The following PPP1R16A variants were observed in gnomAD, a reference collection of about 807,000 sequenced individuals.
PPP1R16A encodes the protein myosin phosphatase-targeting subunit 3.
PPP1R16A carries 39 observed loss-of-function variants against 46.6 expected under a neutral mutation model. That is an observed-to-expected ratio of 0.84 (90% CI 0.65 to 1.09). The LOEUF (loss-of-function observed/expected upper bound fraction) is 1.09, where lower values mean the gene tolerates loss of function less well. Among genes scored for constraint, PPP1R16A ranks in the 50% least tolerant of loss-of-function variants. The pLI is 0.00. For synonymous variants in PPP1R16A, 413 were observed against 321.5 expected, an observed-to-expected ratio of 1.28 and a Z score of -3.04; for missense variants, 798 against 735.6, an observed-to-expected ratio of 1.08 and a Z score of -0.98.
chr8:144,501,487 T>G (rs1295539090), intron 11 of PPP1R16A, 33 bp from the exon 12 acceptor site: 1 of 1,501,056 alleles, frequency 6.7e-7, no homozygotes, highest in Admixed American at 2.2e-5. Flanking sequence ...GGGAGGAGCC[T>G]CCTGATGGCT....
Position 144,497,141 on chromosome 8 carries a change from C to T in PPP1R16A, c.-54C>T. On this transcript the variant is annotated 5_prime_UTR_variant, in exon 3 of 12. Transcript: ENST00000435887. ...CCACCCCTCAGGCCCAGCCTGGCCC[C>T]CAAGCTCCCCACTCTGGTGCCCCGA... 1 of 1,537,286 alleles carries T rather than the reference C, an allele frequency of 6.5e-7. No homozygotes were observed. The highest frequency in any genetic ancestry group is 8.7e-7 in the Non-Finnish European group (1 of 1,145,948).
At position 144,496,819 on chromosome 8, in the gene PPP1R16A, C is replaced by T. The variant is rs1826088392; in HGVS notation, c.-376C>T. ...TCAGCAGGGTGCCCGGAAGCTGGAA[C>T]CTTGTTATCTGGGTAATTAGTTTCA... On this transcript the variant is annotated 5_prime_UTR_variant, in exon 3 of 12. Coordinates refer to ENST00000435887, the MANE Select transcript of PPP1R16A (RefSeq NM_001329443.2). 6.9e-6 allele frequency: 2 copies of T among 289,704 alleles called. No homozygotes were observed. The highest frequency in any genetic ancestry group is 2.1e-5 in the African/African-American group (1 of 46,640). 17.9% of individuals were successfully genotyped at this position (289,704 alleles called of 1,614,324 possible). A position where few individuals can be genotyped will look rare whatever the true frequency, so the allele number is the denominator to read the frequency against.
Position 144,501,865 on chromosome 8 carries a change from G to A in PPP1R16A, c.1549G>A (p.Ala517Thr). The A allele has an allele frequency of 5.8e-6, 9 of 1,543,458 alleles. No individual in the cohort carries two copies. Among genetic ancestry groups the A allele is most frequent in the Non-Finnish European group, 7.9e-6 (9 of 1,145,514 alleles). The stretch of plus-strand genomic sequence containing the variant: ...CAAGCTCACAGCCCCGGCGGTGGAG[G>A]CTCCCGTGGAGAGGAGGCCGTGCTG... ...LLKLTAPAVE[A>T]PVERRPCCLL... Residue 517 changes from alanine (A) to threonine (T), a missense_variant, in exon 12 of 12, where the codon GCT (alanine) becomes ACT (threonine). Ala to Thr is a moderately conservative substitution (Grantham distance 58). Transcript: ENST00000435887.
rs760707897 is a variant in PPP1R16A at position 144,501,574 on chromosome 8, G to A, written c.1258G>A (p.Val420Met). ...PHNGRVGGSP[V>M]RHLYSKRLDR... The stretch of plus-strand genomic sequence containing the variant: ...CAATGGCCGAGTAGGGGGCTCCCCA[G>A]TGCGGCATCTATACTCCAAGCGACT... The change falls in exon 12 of 12, where the codon GTG becomes ATG. Residue 420 changes from valine (V) to methionine (M), a missense_variant. Coordinates refer to ENST00000435887, the MANE Select transcript of PPP1R16A (RefSeq NM_001329443.2). 1 of 1,597,438 alleles carries A rather than the reference G, an allele frequency of 6.3e-7. No homozygotes were observed. Among genetic ancestry groups the A allele is most frequent in the African/African-American group, 1.3e-5 (1 of 74,366 alleles).
In PPP1R16A at chr8:144,500,055, G is replaced by A. The variant is rs753994788; in HGVS notation, c.477-41G>A. 6 of 1,567,896 alleles carry A rather than the reference G, an allele frequency of 3.8e-6. No homozygotes were observed. In the Admixed American group the frequency reaches 9.2e-5, roughly 24 times the overall value. On this transcript the variant is annotated intron_variant, in intron 5 of 11. Transcript: ENST00000435887. Reference sequence around the variant, plus strand: ...CCAAGTGAGGAGCCTGGCAAGCGGGGAAGGGCCTTGTGCCCAGCACCCCGT... The same window carrying A: ...CCAAGTGAGGAGCCTGGCAAGCGGGAAAGGGCCTTGTGCCCAGCACCCCGT...
rs1188306647 is a variant in PPP1R16A at position 144,501,152 on chromosome 8, T to C, written c.1061T>C (p.Leu354Pro). 2 of 1,610,830 alleles carry C rather than the reference T, an allele frequency of 1.2e-6. No individual in the cohort carries two copies. Among genetic ancestry groups the C allele is most frequent in the Admixed American group, 1.7e-5 (1 of 60,000 alleles). Residue 354 changes from leucine to proline, a missense_variant, in exon 11 of 12, where the codon CTA (leucine) becomes CCA (proline). Physicochemically the swap from Leu to Pro is moderately conservative, Grantham distance 98 (BLOSUM62 -3). Transcript: ENST00000435887. ...AGGAAGGTGGTGAGGCGGGTGAGCCTAACCCAGCGCACCGACCTGTACCGC... is the reference window on the plus strand; with the variant it reads ...AGGAAGGTGGTGAGGCGGGTGAGCCCAACCCAGCGCACCGACCTGTACCGC... ...SRGKVVRRVSLTQRTDLYRKQ... is the reference protein window; with the variant it reads ...SRGKVVRRVSPTQRTDLYRKQ...
intron 1 of PPP1R16A, among the ~76,000 whole-genome samples, chr8:144,481,150 A>G (rs1409981819): frequency 1.3e-5 from 2 of 148,954 alleles, no homozygotes; most frequent in South Asian, 2.2e-4. Context: ...TCGGCCTCCC[A>G]AAGTGCTGGG....
intron 2 of PPP1R16A, among the ~76,000 whole-genome samples, chr8:144,494,365 G>C (rs1825952041): frequency 1.3e-5 from 2 of 152,046 alleles, no homozygotes; most frequent in Admixed American, 6.6e-5. Context: ...CCAGGCTGGA[G>C]TGCAGGGTGT....
In PPP1R16A at chr8:144,484,765, G is replaced by A. The variant is rs889675358; in HGVS notation, c.-913-5269G>A. Among the ~76,000 whole-genome samples, 11 of 152,228 alleles carry A rather than the reference G, an allele frequency of 7.2e-5. No homozygotes were observed. In the East Asian group the frequency reaches 1.3e-3, roughly 19 times the overall value. On this transcript the variant is annotated intron_variant, in intron 1 of 11. Transcript: ENST00000435887. ...CGGGCCAGTCCCTGGTGTGGTCCAC[G>A]CGTATCTCCTGTCCCGGGCTGGAAG...
rs1184913602 is a variant in PPP1R16A, at chr8:144,478,026, C to G, written c.-1015C>G. On this transcript the variant is annotated 5_prime_UTR_variant, in exon 1 of 12. Coordinates refer to ENST00000435887, the MANE Select transcript of PPP1R16A (RefSeq NM_001329443.2). ...AGTGTAGCGTTGCCATGGCGAGGGCCGGGTGCGGGGCCCGCCCCCGCAGCG... is the reference window on the plus strand; with the variant it reads ...AGTGTAGCGTTGCCATGGCGAGGGCGGGGTGCGGGGCCCGCCCCCGCAGCG... The G allele has an allele frequency of 2.5e-6, 1 of 394,028 alleles. No homozygotes were observed. Among genetic ancestry groups the G allele is most frequent in the Non-Finnish European group, 4.5e-6 (1 of 223,086 alleles). 24.4% of individuals were successfully genotyped at this position (394,028 alleles called of 1,614,324 possible).
chr8:144,482,549 G>A (rs1825474005), intron 1 of PPP1R16A, among the ~76,000 whole-genome samples: 1 of 150,136 alleles, frequency 6.7e-6, no homozygotes, highest in Non-Finnish European at 1.5e-5. Flanking sequence ...AACCTCCCGG[G>A]TTTAAGCATT....
At chr8:144,482,166 G>A (rs566376721) in intron 1 of PPP1R16A, among the ~76,000 whole-genome samples, 20 of 151,884 alleles carry the variant, frequency 1.3e-4, no homozygotes, top group African/African-American at 4.6e-4. Flanking sequence ...TTGGCCTCCC[G>A]GGTTCAAGCG....
At chr8:144,497,526 CAAG>C in intron 3 of PPP1R16A, 73 bp downstream of exon 3, 1 of 1,591,904 alleles carries the variant, frequency 6.3e-7, no homozygotes, top group Non-Finnish European at 8.5e-7. Context: ...CGTCTCATGC[CAAG>C]GCTGGGGGCT....
chr8:144,500,004 G>A, intron 5 of PPP1R16A, 92 bp from the exon 6 acceptor site: 1 of 1,372,378 alleles, frequency 7.3e-7, no homozygotes, highest in Non-Finnish European at 1.0e-6. Flanking sequence ...GCAGCCCTGG[G>A]CTGAGGGGCC....
intron 2 of PPP1R16A, among the ~76,000 whole-genome samples, chr8:144,492,819 TC>T (rs1411410193): frequency 6.6e-6 from 1 of 152,156 alleles, no homozygotes; most frequent in Non-Finnish European, 1.5e-5. Context: ...TCCTCTCTTT[TC>T]TTTCTTTGAA....
chr8:144,496,950 C>G lies in PPP1R16A; in HGVS notation c.-245C>G. Reference sequence around the variant, plus strand: ...CTGCTTGTCGACAGCTAGAGGCTGGCCTGGGGAGCAGGTTTGGGGTGCCCT... The same window carrying G: ...CTGCTTGTCGACAGCTAGAGGCTGGGCTGGGGAGCAGGTTTGGGGTGCCCT... On this transcript the variant is annotated 5_prime_UTR_variant, in exon 3 of 12. Coordinates refer to ENST00000435887, the MANE Select transcript of PPP1R16A (RefSeq NM_001329443.2). 1.7e-6 allele frequency: 1 copy of G among 594,126 alleles called. No individual in the cohort carries two copies. Among genetic ancestry groups the G allele is most frequent in the Non-Finnish European group, 3.0e-6 (1 of 334,516 alleles). 36.8% of individuals were successfully genotyped at this position (594,126 alleles called of 1,614,324 possible). A position where few individuals can be genotyped will look rare whatever the true frequency, so the allele number is the denominator to read the frequency against.
In PPP1R16A at chr8:144,497,115, C is replaced by T; in HGVS notation, c.-80C>T. 1 of 1,520,606 alleles carries T rather than the reference C, an allele frequency of 6.6e-7. No homozygotes were observed. The highest frequency in any genetic ancestry group is 8.8e-7 in the Non-Finnish European group (1 of 1,134,540). 94.2% of individuals were successfully genotyped at this position (1,520,606 alleles called of 1,614,324 possible). On this transcript the variant is annotated 5_prime_UTR_variant, in exon 3 of 12. Coordinates refer to ENST00000435887, the MANE Select transcript of PPP1R16A (RefSeq NM_001329443.2). ...CGAGGGTGCCAGTCCAGCTAGCTGCCCCACCCCTCAGGCCCAGCCTGGCCC... is the reference window on the plus strand; with the variant it reads ...CGAGGGTGCCAGTCCAGCTAGCTGCTCCACCCCTCAGGCCCAGCCTGGCCC...
intron 1 of PPP1R16A, among the ~76,000 whole-genome samples, chr8:144,479,830 G>A (rs4925810): frequency 0.82 from 124,453 of 152,134 alleles, 52,380 homozygotes; most frequent in South Asian, 0.97. Flanking sequence ...ACTGGTGCAC[G>A]CACACCTAAA....
At chr8:144,497,585 G>C in intron 3 of PPP1R16A, 132 bp downstream of exon 3, 1 of 1,337,786 alleles carries the variant, frequency 7.5e-7, no homozygotes, top group South Asian at 1.2e-5. Context: ...ATCTTGCCTG[G>C]TCTCTTCAGG....
Sources: gnomAD v4.1 joint callset for allele counts (sites outside exome capture counted in the v4.1 genomes callset) on GRCh38, gnomAD v4.1.1 for gene constraint, MANE v1.5 for transcripts, NCBI Gene and HGNC (gene_info 2026-07-23, HGNC 2026-07-21) for gene names.